Variants in SORT1 observed in about 807,000 individuals in gnomAD.
SORT1 encodes sortilin 1.
A neutral mutation model predicts 101.7 loss-of-function variants in SORT1; 39 were observed. That is an observed-to-expected ratio of 0.38 (90% CI 0.30 to 0.50). SORT1 has a LOEUF of 0.50. Ranked by LOEUF, SORT1 falls within the 20% of genes least tolerant of loss-of-function variation. The pLI is 0.90. For synonymous variants in SORT1, 396 were observed against 393.7 expected (o/e 1.01, Z -0.07); for missense variants, 878 against 1,040.4 (o/e 0.84, Z 2.15).
chr1:109,363,233 C>T (rs1445925775), intron 3 of SORT1, among the ~76,000 whole-genome samples: 1 of 152,112 alleles, frequency 6.6e-6, no homozygotes, highest in Non-Finnish European at 1.5e-5. Context: ...GGACTCAAGA[C>T]ATCATAAAAC....
intron 10 of SORT1, 56 bp from the exon 11 acceptor site, chr1:109,336,402 T>C (rs1428483337): frequency 3.5e-6 from 4 of 1,133,510 alleles, no homozygotes; most frequent in Non-Finnish European, 5.4e-6. Flanking sequence ...CTAGGTTAGA[T>C]TCACTTTATC....
intron 6 of SORT1, among the ~76,000 whole-genome samples, chr1:109,349,067 T>C (rs1649799024): frequency 1.3e-5 from 2 of 152,186 alleles, no homozygotes; most frequent in African/African-American, 4.8e-5. Context: ...TACTTCCACC[T>C]GGTACGGTGG....
rs374588137 is a variant in SORT1 at position 109,372,988 on chromosome 1, G to C, written c.307-3399C>G. On this transcript the variant is annotated intron_variant, in intron 1 of 19. Coordinates refer to ENST00000256637, the MANE Select transcript of SORT1 (RefSeq NM_002959.7). ...GAGAATTGCTTGAACCCGAGAGGCG[G>C]AGGCTGCAGTGAGGCAAGATTGCGC... Among the ~76,000 whole-genome samples, 14 of 152,120 alleles carry C rather than the reference G, an allele frequency of 9.2e-5. No individual in the cohort carries two copies. The South Asian group carries it at 2.9e-3, about 32-fold the overall frequency.
Position 109,345,874 on chromosome 1 carries a change from G to A in SORT1, c.840C>T (p.Asp280=). ...TTCTCCATAATTCCAGAGCCCCAAG[G>A]TCAGCTTCTTAAACAAGACAAAATA... is the stretch of plus-strand genomic sequence containing the variant. ...TTYANGSCKA[D]LGALELWRTS... Residue 280 remains aspartate (D), a synonymous_variant, in exon 8 of 20, where the codon GAC becomes GAT. Coordinates refer to ENST00000256637, the MANE Select transcript of SORT1 (RefSeq NM_002959.7). 6.8e-6 allele frequency: 11 copies of A among 1,611,550 alleles called. No homozygotes were observed. Among genetic ancestry groups the A allele is most frequent in the Non-Finnish European group, 9.3e-6 (11 of 1,178,804 alleles).
intron 1 of SORT1, chr1:109,397,251 A>G (rs1418586225): frequency 6.6e-6 from 1 of 152,462 alleles, no homozygotes; most frequent in Admixed American, 6.5e-5. Context: ...TCAAGAGTTA[A>G]TTACTCCTTC....
At chr1:109,356,936 T>C (rs1477663713) in intron 3 of SORT1, among the ~76,000 whole-genome samples, 1 of 152,234 alleles carries the variant, frequency 6.6e-6, no homozygotes, top group South Asian at 2.1e-4. Context: ...AAGACTGCTG[T>C]GCACTGCAAA....
chr1:109,347,463 T>C lies in SORT1; in HGVS notation c.832+20A>G, dbSNP rs1434026734. On this transcript the variant is annotated intron_variant, in intron 7 of 19. Coordinates refer to ENST00000256637, the MANE Select transcript of SORT1 (RefSeq NM_002959.7). Reference sequence around the variant, plus strand: ...GAATGGACAACAGGACATTATTTTCTGGGACTAAAATATACTTACTGCAGG... The same window carrying C: ...GAATGGACAACAGGACATTATTTTCCGGGACTAAAATATACTTACTGCAGG... 1 of 1,565,708 alleles carries C rather than the reference T, an allele frequency of 6.4e-7. No homozygotes were observed. Among genetic ancestry groups the C allele is most frequent in the Non-Finnish European group, 8.8e-7 (1 of 1,136,232 alleles).
chr1:109,391,761 G>A (rs151085356), intron 1 of SORT1, among the ~76,000 whole-genome samples: 3 of 152,258 alleles, frequency 2.0e-5, no homozygotes, highest in South Asian at 2.1e-4. Context: ...CAAAAAAGCT[G>A]CCTAGAACTG....
At chr1:109,392,595 T>C (rs1652979153) in intron 1 of SORT1, 3 of 984,992 alleles carry the variant, frequency 3.0e-6, no homozygotes, top group Non-Finnish European at 3.6e-6. Context: ...ACTTACCTAA[T>C]TGTTAACACT....
At chr1:109,379,042 C>G (rs1038008913) in intron 1 of SORT1, among the ~76,000 whole-genome samples, 2 of 151,416 alleles carry the variant, frequency 1.3e-5, no homozygotes, top group Non-Finnish European at 2.9e-5. Context: ...ACTGAGGAGG[C>G]TGAGGCAGAA....
intron 17 of SORT1, among the ~76,000 whole-genome samples, chr1:109,315,089 A>G (rs1433935209): frequency 2.6e-5 from 4 of 152,150 alleles, no homozygotes; most frequent in African/African-American, 9.7e-5. Context: ...ACCACTGTTC[A>G]CAAGTCTTGG....
chr1:109,365,643 C>T (rs1021661695), intron 3 of SORT1, among the ~76,000 whole-genome samples: 4 of 152,072 alleles, frequency 2.6e-5, no homozygotes, highest in Non-Finnish European at 4.4e-5. Context: ...ATAAAGAAGC[C>T]AAGACATTCA....
At chr1:109,379,666 A>G (rs1157196086) in intron 1 of SORT1, among the ~76,000 whole-genome samples, 1 of 152,202 alleles carries the variant, frequency 6.6e-6, no homozygotes, top group Non-Finnish European at 1.5e-5. Flanking sequence ...GCTGGGTGAA[A>G]TGTCAGCTTG....
chr1:109,357,310 A>G (rs2101608887), intron 3 of SORT1, among the ~76,000 whole-genome samples: 1 of 152,372 alleles, frequency 6.6e-6, no homozygotes, highest in South Asian at 2.1e-4. Flanking sequence ...ATGTATCCCC[A>G]TCATTAAGCG....
At chr1:109,371,400 C>A (rs1309211477) in intron 1 of SORT1, among the ~76,000 whole-genome samples, 1 of 152,168 alleles carries the variant, frequency 6.6e-6, no homozygotes, top group Non-Finnish European at 1.5e-5. Context: ...TCCAGAGCTA[C>A]CACAAGCACC....
At chr1:109,324,350 C>T (rs1647842212) in intron 14 of SORT1, among the ~76,000 whole-genome samples, 1 of 152,160 alleles carries the variant, frequency 6.6e-6, no homozygotes, top group African/African-American at 2.4e-5. Context: ...GTTGGCCAGG[C>T]TGGTTTCGAA....
intron 1 of SORT1, among the ~76,000 whole-genome samples, chr1:109,378,718 ATATATATATATAT>A (rs1219610726): frequency 3.7e-5 from 1 of 27,282 alleles, no homozygotes; most frequent in African/African-American, 1.2e-4. Flanking sequence ...ATATATATAT[ATATATATATATAT>A]ATATATATAT....
intron 1 of SORT1, among the ~76,000 whole-genome samples, chr1:109,373,402 C>T (rs1651620371): frequency 6.6e-6 from 1 of 152,176 alleles, no homozygotes; most frequent in South Asian, 2.1e-4. Context: ...GCCACCCCAC[C>T]AAGTCTTCAG....
rs554932877 is a variant in SORT1, at chr1:109,375,344, C to T, written c.307-5755G>A. 5.3e-5 allele frequency among the ~76,000 whole-genome samples: 8 copies of T among 152,102 alleles called. No homozygotes were observed. The South Asian group carries it at 1.7e-3, about 32-fold the overall frequency. ...TTGGGAGGCCAAGGCGGGCAGATCA[C>T]GAGGTCAGGAGATCAAGACCATCCC... On this transcript the variant is annotated intron_variant, in intron 1 of 19. Transcript: ENST00000256637.
Sources: allele counts gnomAD v4.1 joint callset (sites outside exome capture counted in the v4.1 genomes callset), GRCh38; gene constraint gnomAD v4.1.1; transcripts MANE v1.5; gene names NCBI Gene and HGNC (gene_info 2026-07-23, HGNC 2026-07-21).